Variants in CMYA5 observed in about 807,000 individuals in gnomAD.
The protein encoded by CMYA5 is cardiomyopathy associated 5.
A neutral mutation model predicts 318.9 loss-of-function variants in CMYA5; 246 were observed. The ratio of observed to expected loss-of-function variants is 0.77; its 90% CI spans 0.70 to 0.86. The LOEUF (loss-of-function observed/expected upper bound fraction) is 0.86. Ranked by LOEUF, CMYA5 falls within the 40% of genes least tolerant of loss-of-function variation. CMYA5 has a pLI of 0.00. For missense variants in CMYA5, 4,589 were observed against 4,678.2 expected (o/e 0.98, Z 0.56); for synonymous variants, 1,641 against 1,729.5 (o/e 0.95, Z 1.27).
chr5:79,736,340 A>G lies in CMYA5; in HGVS notation c.7575A>G (p.Glu2525=), dbSNP rs1828066740. The change falls in exon 2 of 13, where the codon GAA becomes GAG. Residue 2525 remains glutamate (E), a synonymous_variant. Coordinates refer to ENST00000446378, the MANE Select transcript of CMYA5 (RefSeq NM_153610.5). ...QHFYQNEDYN[E]RPKIIVGSEK... ...TCTATCAAAATGAAGACTACAATGAAAGACCCAAAATCATTGTTGGTTCTG... is the reference window on the plus strand; with the variant it reads ...TCTATCAAAATGAAGACTACAATGAGAGACCCAAAATCATTGTTGGTTCTG... The G allele has an allele frequency of 6.2e-7, 1 of 1,613,440 alleles. No individual in the cohort carries two copies. Among genetic ancestry groups the G allele is most frequent in the African/African-American group, 1.3e-5 (1 of 74,904 alleles).
chr5:79,753,146 G>T (rs929221026), intron 6 of CMYA5, among the ~76,000 whole-genome samples: 2 of 151,856 alleles, frequency 1.3e-5, no homozygotes, highest in African/African-American at 4.8e-5. Flanking sequence ...GAAGAAAAAA[G>T]AAGTCAAATG....
chr5:79,792,514 T>TG (rs1364999905), intron 11 of CMYA5, among the ~76,000 whole-genome samples: 2 of 152,184 alleles, frequency 1.3e-5, no homozygotes, highest in Non-Finnish European at 2.9e-5. Context: ...ATCAGACAGC[T>TG]GGGCCTTGCT....
chr5:79,716,449 G>T (rs1561199949), intron 1 of CMYA5, among the ~76,000 whole-genome samples: 1 of 152,200 alleles, frequency 6.6e-6, no homozygotes, highest in Non-Finnish European at 1.5e-5. Context: ...TGGTGCAAAA[G>T]TAATTGCGGC....
chr5:79,720,610 A>G (rs1366332664), intron 1 of CMYA5, among the ~76,000 whole-genome samples: 4 of 151,828 alleles, frequency 2.6e-5, no homozygotes, highest in Non-Finnish European at 2.9e-5. Flanking sequence ...CTAATTTTGT[A>G]TTTTTACTAG....
rs780675451 is a variant in CMYA5, at chr5:79,729,595, G to T, written c.830G>T (p.Gly277Val). Reference sequence around the variant, plus strand: ...CTAGAGCCAGATTTGGACAATAGTGGTTCTAATACAGTGTCCAAAACACGC... The same window carrying T: ...CTAGAGCCAGATTTGGACAATAGTGTTTCTAATACAGTGTCCAAAACACGC... ...ISLEPDLDNS[G>V]SNTVSKTRKL... The change falls in exon 2 of 13, where the codon GGT becomes GTT. Residue 277 changes from glycine to valine, a missense_variant. By Grantham distance (109) the Gly-to-Val change is moderately radical (BLOSUM62 -3). Coordinates refer to ENST00000446378, the MANE Select transcript of CMYA5 (RefSeq NM_153610.5). The T allele has an allele frequency of 1.2e-6, 2 of 1,613,374 alleles. No individual in the cohort carries two copies. The highest frequency in any genetic ancestry group is 1.3e-5 in the African/African-American group (1 of 75,022).
At position 79,763,112 on chromosome 5, in the gene CMYA5, AC is replaced by A; in HGVS notation, c.11459del (p.Thr3820LysfsTer43). On this transcript the variant is annotated frameshift_variant, in exon 9 of 13. Transcript: ENST00000446378. LOFTEE classifies it high-confidence loss of function. ...RAEDCTVCWN[T>X]ATIRWRPTTP... is the part of the protein sequence containing the mutation. The stretch of plus-strand genomic sequence containing the variant: ...TGAGGACTGTACTGTGTGTTGGAAC[AC>A]AGCCACTATCCGATGGCGGCCCACC... The A allele has an allele frequency of 6.2e-7, 1 of 1,613,184 alleles. No homozygotes were observed. Among genetic ancestry groups the A allele is most frequent in the Non-Finnish European group, 8.5e-7 (1 of 1,179,766 alleles).
chr5:79,756,078 G>T (rs1281884067), intron 6 of CMYA5, among the ~76,000 whole-genome samples: 1 of 152,190 alleles, frequency 6.6e-6, no homozygotes. Context: ...GAAACATTCT[G>T]CTTGGTCCTT....
chr5:79,709,512 A>G (rs1827340702), intron 1 of CMYA5, among the ~76,000 whole-genome samples: 1 of 152,094 alleles, frequency 6.6e-6, no homozygotes, highest in South Asian at 2.1e-4. Context: ...AACTATTTTT[A>G]TAGTAGTTCT....
chr5:79,713,297 G>GCTGCAC (rs1337456560), intron 1 of CMYA5, among the ~76,000 whole-genome samples: 3 of 24,244 alleles, frequency 1.2e-4, no homozygotes, highest in South Asian at 2.6e-3. Context: ...GCTGCACCCC[G>GCTGCAC]CCCCCACCCC....
intron 2 of CMYA5, among the ~76,000 whole-genome samples, chr5:79,742,348 A>G (rs1376736135): frequency 6.6e-6 from 1 of 151,788 alleles, no homozygotes; most frequent in Non-Finnish European, 1.5e-5. Context: ...CATCACACCC[A>G]GCTACTTTTT....
Position 79,730,498 on chromosome 5 carries a change from CT to C in CMYA5, c.1734del (p.Glu579ArgfsTer26). 1 of 1,613,838 alleles carries C rather than the reference CT, an allele frequency of 6.2e-7. No individual in the cohort carries two copies. On this transcript the variant is annotated frameshift_variant, in exon 2 of 13. Coordinates refer to ENST00000446378, the MANE Select transcript of CMYA5 (RefSeq NM_153610.5). LOFTEE classifies it high-confidence loss of function. ...TCATCTCCTGAACATGTTGCTTTGT[CT>C]GAGGAAGAAAGAGAGGAAATTGCAT... ...AASSPEHVAL[S>X]EEEREEIASV...
chr5:79,737,306 A>G lies in CMYA5; in HGVS notation c.8541A>G (p.Thr2847=), dbSNP rs896358318. 6.2e-6 allele frequency: 10 copies of G among 1,613,880 alleles called. No homozygotes were observed. In the South Asian group the frequency reaches 9.9e-5, roughly 16 times the overall value. The change falls in exon 2 of 13, where the codon ACA becomes ACG. Residue 2847 remains threonine, a synonymous_variant. Transcript: ENST00000446378. ...PRSELTPERH[T]VHTIQTSKDD... Reference sequence around the variant, plus strand: ...CAGAATTGACTCCAGAAAGGCATACAGTTCATACTATTCAGACATCTAAAG... The same window carrying G: ...CAGAATTGACTCCAGAAAGGCATACGGTTCATACTATTCAGACATCTAAAG...
At chr5:79,764,490 T>A (rs181986956) in intron 9 of CMYA5, among the ~76,000 whole-genome samples, 1 of 152,334 alleles carries the variant, frequency 6.6e-6, no homozygotes, top group East Asian at 1.9e-4. Flanking sequence ...TGACTTATAA[T>A]CCTTTGGGTA....
rs1201590478 is a variant in CMYA5, at chr5:79,742,060, T to C, written c.10639-1767T>C. ...CTCCCTCTTTCTCCTCTTCTTCTTC[T>C]TCTTCTTCTTCTTCTTCTTCTTCTT... is the stretch of plus-strand genomic sequence containing the variant. On this transcript the variant is annotated intron_variant, in intron 2 of 12. Coordinates refer to ENST00000446378, the MANE Select transcript of CMYA5 (RefSeq NM_153610.5). 5.5e-4 allele frequency among the ~76,000 whole-genome samples: 20 copies of C among 36,106 alleles called. No homozygotes were observed. In the African/African-American group the frequency reaches 7.3e-3, roughly 13 times the overall value. The allele number at this position is 36,106 out of a possible 152,430, so 23.7% of individuals were successfully genotyped here.
chr5:79,785,804 A>G (rs921582449), intron 9 of CMYA5, among the ~76,000 whole-genome samples: 1 of 152,122 alleles, frequency 6.6e-6, no homozygotes, highest in African/African-American at 2.4e-5. Flanking sequence ...CCCCTTAACC[A>G]TTATGACCCC....
chr5:79,720,732 G>T (rs532311402), intron 1 of CMYA5, among the ~76,000 whole-genome samples: 1 of 152,154 alleles, frequency 6.6e-6, no homozygotes, highest in African/African-American at 2.4e-5. Flanking sequence ...CACCATGCCT[G>T]GCCCAATCTA....
rs1356132259 is a variant in CMYA5 at position 79,689,993 on chromosome 5, A to C, written c.86A>C (p.Glu29Ala). 2 of 1,445,690 alleles carry C rather than the reference A, an allele frequency of 1.4e-6. No homozygotes were observed. Among genetic ancestry groups the C allele is most frequent in the Non-Finnish European group, 1.9e-6 (2 of 1,065,808 alleles). 89.6% of individuals were successfully genotyped at this position (1,445,690 alleles called of 1,614,324 possible). The part of the protein sequence containing the change: ...DEEATRELET[E>A]EESEGEEDET... Reference sequence around the variant, plus strand: ...GAGGCGACCCGGGAGCTGGAGACCGAGGAGGAGTCGGAGGGCGAGGAGGAC... The same window carrying C: ...GAGGCGACCCGGGAGCTGGAGACCGCGGAGGAGTCGGAGGGCGAGGAGGAC... The change falls in exon 1 of 13, where the codon GAG (glutamate) becomes GCG (alanine). Residue 29 changes from glutamate (E) to alanine (A), a missense_variant. This residue lies in a region of CMYA5 where 2,132 missense variants were observed against 2,131.3 expected (regional missense o/e 1.00). Coordinates refer to ENST00000446378, the MANE Select transcript of CMYA5 (RefSeq NM_153610.5).
At chr5:79,691,681 A>G (rs1277544305) in intron 1 of CMYA5, among the ~76,000 whole-genome samples, 1 of 152,244 alleles carries the variant, frequency 6.6e-6, no homozygotes, top group Admixed American at 6.5e-5. Context: ...GATTTAGGAA[A>G]AACACGTATC....
rs751059367 is a variant in CMYA5, at chr5:79,731,708, A to G, written c.2943A>G (p.Pro981=). 2 of 1,613,934 alleles carry G rather than the reference A, an allele frequency of 1.2e-6. No homozygotes were observed. The highest frequency in any genetic ancestry group is 1.1e-5 in the South Asian group (1 of 91,076). ...ECDSPICLTS[P]SEHTILSDED... is the part of the protein sequence containing the mutation. The stretch of plus-strand genomic sequence containing the variant: ...ATTCTCCAATATGTTTAACATCACC[A>G]TCTGAGCACACTATTTTGTCAGATG... Residue 981 remains proline (P), a synonymous_variant, in exon 2 of 13, where the codon CCA becomes CCG. Transcript: ENST00000446378.
Sources: allele counts gnomAD v4.1 joint callset (sites outside exome capture counted in the v4.1 genomes callset), GRCh38; gene constraint gnomAD v4.1.1; regional missense constraint gnomAD v4.1.1; transcripts MANE v1.5; gene names NCBI Gene and HGNC (gene_info 2026-07-23, HGNC 2026-07-21).